ALPK1: variants seen among roughly 807,000 people sequenced by gnomAD.
ALPK1 encodes alpha kinase 1.
ALPK1 carries 110 observed loss-of-function variants against 120.6 expected under a neutral mutation model. That is an observed-to-expected ratio of 0.91 (90% CI 0.78 to 1.07). The LOEUF is 1.07. Ranked by LOEUF, ALPK1 falls within the 50% of genes least tolerant of loss-of-function variation. ALPK1 has a pLI of 0.00. For missense variants in ALPK1, 1,498 were observed against 1,483.9 expected (o/e 1.01, Z -0.16); for synonymous variants, 582 against 560.3 (o/e 1.04, Z -0.55).
intron 11 of ALPK1, 32 bp downstream of exon 11, chr4:112,432,613 C>A: frequency 1.9e-6 from 3 of 1,582,746 alleles, no homozygotes; most frequent in Non-Finnish European, 2.6e-6. Flanking sequence ...GTTCCCCCCT[C>A]AGGAAGCAGC....
rs983267642 is a variant in ALPK1 at position 112,431,980 on chromosome 4, A to G, written c.2433A>G (p.Gly811=). ...DFHRVLHNSL[G]NISMLPCSSF... ...ACAGGGTCCTGCACAATTCTCTGGG[A>G]AACATTTCCATGCTGCCATGTAGCT... Residue 811 remains glycine (G), a synonymous_variant, in exon 11 of 16, where the codon GGA becomes GGG. Transcript: ENST00000650871. The G allele has an allele frequency of 1.9e-6, 3 of 1,614,128 alleles. No individual in the cohort carries two copies. The highest frequency in any genetic ancestry group is 1.7e-6 in the Non-Finnish European group (2 of 1,180,008).
intron 4 of ALPK1, among the ~76,000 whole-genome samples, chr4:112,403,404 G>A (rs896949671): frequency 2.6e-5 from 4 of 152,146 alleles, no homozygotes; most frequent in Non-Finnish European, 5.9e-5. Context: ...GCATGCTGCC[G>A]TTTCAAAAGG....
chr4:112,371,251 C>A (rs1282641101), intron 2 of ALPK1, among the ~76,000 whole-genome samples: 1 of 152,178 alleles, frequency 6.6e-6, no homozygotes, highest in East Asian at 1.9e-4. Flanking sequence ...CCCACCCTAA[C>A]GTACGCACTA....
intron 2 of ALPK1, among the ~76,000 whole-genome samples, chr4:112,349,558 C>T (rs975176539): frequency 3.4e-5 from 5 of 144,972 alleles, no homozygotes; most frequent in African/African-American, 1.0e-4. Context: ...CCTGCCCCCC[C>T]CCGCTTTATT....
At chr4:112,367,930 C>G (rs1175237086) in intron 2 of ALPK1, among the ~76,000 whole-genome samples, 1 of 152,108 alleles carries the variant, frequency 6.6e-6, no homozygotes, top group Non-Finnish European at 1.5e-5. Flanking sequence ...GAGACGGAGT[C>G]TCACTCTGTT....
intron 1 of ALPK1, among the ~76,000 whole-genome samples, chr4:112,306,116 A>G (rs994504310): frequency 1.3e-5 from 2 of 152,068 alleles, no homozygotes; most frequent in African/African-American, 2.4e-5. Flanking sequence ...ATCATGGTGG[A>G]TAAGCTTTTT....
chr4:112,431,758 A>T lies in ALPK1; in HGVS notation c.2211A>T (p.Ser737=). 6.2e-7 allele frequency: 1 copy of T among 1,614,230 alleles called. No homozygotes were observed. Among genetic ancestry groups the T allele is most frequent in the Middle Eastern group, 1.6e-4 (1 of 6,062 alleles). ...GRPKNMGTHP[S]VQKEEAFEII... ...CCAAGAATATGGGCACACATCCTTC[A>T]GTCCAAAAAGAAGAAGCCTTTGAAA... The change falls in exon 11 of 16, where the codon TCA becomes TCT. Residue 737 remains serine, a synonymous_variant. Coordinates refer to ENST00000650871, the MANE Select transcript of ALPK1 (RefSeq NM_025144.4).
rs1409009177 is a variant in ALPK1 at position 112,420,620 on chromosome 4, C to CG, written c.476-3319dup. 2.6e-5 allele frequency among the ~76,000 whole-genome samples: 4 copies of CG among 152,210 alleles called. No individual in the cohort carries two copies. In the East Asian group the frequency reaches 7.7e-4, roughly 29 times the overall value. On this transcript the variant is annotated intron_variant, in intron 5 of 15. Coordinates refer to ENST00000650871, the MANE Select transcript of ALPK1 (RefSeq NM_025144.4). Reference sequence around the variant, plus strand: ...TTCAATAGGCGCTTCTGTGCAAAAGCGGGGGAAATGAGAGTCACTCAGCAG... The same window carrying CG: ...TTCAATAGGCGCTTCTGTGCAAAAGCGGGGGGAAATGAGAGTCACTCAGCAG...
intron 5 of ALPK1, chr4:112,414,425 G>C: frequency 2.5e-6 from 1 of 406,342 alleles, no homozygotes; most frequent in Admixed American, 2.6e-5. Context: ...TGGACAACAT[G>C]ATGAAACCCC....
intron 2 of ALPK1, among the ~76,000 whole-genome samples, chr4:112,332,749 T>G (rs1210060692): frequency 1.3e-5 from 2 of 152,184 alleles, no homozygotes; most frequent in Non-Finnish European, 2.9e-5. Flanking sequence ...AATATTCCAT[T>G]TATCACCCAA....
chr4:112,384,482 T>A (rs1732064042), intron 4 of ALPK1: 3 of 152,244 alleles, frequency 2.0e-5, no homozygotes, highest in African/African-American at 7.2e-5. Flanking sequence ...AATAGTCACA[T>A]GTGGCCAGGG....
At chr4:112,381,183 A>C (rs1292470044) in intron 3 of ALPK1, among the ~76,000 whole-genome samples, 1 of 152,242 alleles carries the variant, frequency 6.6e-6, no homozygotes, top group Non-Finnish European at 1.5e-5. Context: ...GGCAAGAATT[A>C]CTGCCAAGGA....
chr4:112,385,068 G>T (rs1378032960), intron 4 of ALPK1, among the ~76,000 whole-genome samples: 2 of 152,142 alleles, frequency 1.3e-5, no homozygotes, highest in Non-Finnish European at 2.9e-5. Context: ...TTTGAACATA[G>T]GCTGAGTGAT....
intron 2 of ALPK1, chr4:112,359,862 C>G (rs1198431170): frequency 1.6e-5 from 5 of 316,436 alleles, no homozygotes; most frequent in African/African-American, 9.0e-5. Flanking sequence ...GGCTTGATCA[C>G]CTGCCTGTCC....
chr4:112,344,174 A>G (rs1333506934), intron 2 of ALPK1, among the ~76,000 whole-genome samples: 9 of 152,234 alleles, frequency 5.9e-5, no homozygotes, highest in Non-Finnish European at 1.3e-4. Flanking sequence ...TTCTTTTATA[A>G]GAAGTAAAAG....
chr4:112,383,509 G>C (rs1369047885), intron 4 of ALPK1: 2 of 152,076 alleles, frequency 1.3e-5, no homozygotes, highest in Non-Finnish European at 2.9e-5. Context: ...AATAGAAACA[G>C]TAAAACCCCA....
intron 4 of ALPK1, among the ~76,000 whole-genome samples, chr4:112,410,208 C>G (rs950085742): frequency 3.3e-5 from 5 of 152,042 alleles, no homozygotes; most frequent in African/African-American, 9.7e-5. Flanking sequence ...CCTACCTGGG[C>G]CTCTCCAGAC....
intron 4 of ALPK1, chr4:112,411,086 A>T (rs1332787406): frequency 6.5e-6 from 1 of 154,876 alleles, no homozygotes; most frequent in Non-Finnish European, 1.5e-5. Flanking sequence ...ATTAATGTCT[A>T]AATATAAATA....
At chr4:112,357,405 C>T in intron 2 of ALPK1, 2 of 691,340 alleles carry the variant, frequency 2.9e-6, no homozygotes, top group Non-Finnish European at 5.2e-6. Flanking sequence ...CATCCTGATG[C>T]CAGTCACCAG....
Sources: gnomAD v4.1 joint callset for allele counts (sites outside exome capture counted in the v4.1 genomes callset) on GRCh38, gnomAD v4.1.1 for gene constraint, MANE v1.5 for transcripts, NCBI Gene and HGNC (gene_info 2026-07-23, HGNC 2026-07-21) for gene names.